ANK2: variants seen among roughly 807,000 people sequenced by gnomAD.
The protein encoded by ANK2 is ankyrin 2.
ANK2 carries 83 observed loss-of-function variants against 360.5 expected under a neutral mutation model. The ratio of observed to expected loss-of-function variants is 0.23; its 90% CI spans 0.19 to 0.28. The LOEUF (loss-of-function observed/expected upper bound fraction) is 0.28. Among genes scored for constraint, ANK2 ranks in the 10% least tolerant of loss-of-function variants. The probability of loss-of-function intolerance (pLI) is 1.00; values close to 1 mark genes in which losing one functional copy is unlikely to be tolerated. For synonymous variants in ANK2, 1,740 were observed against 1,759.5 expected (o/e 0.99, Z 0.28); for missense variants, 4,201 against 4,795.7 (o/e 0.88, Z 3.66).
chr4:112,708,903 G>A, the ANK2 span, among the ~76,000 whole-genome samples: 1 of 152,082 alleles, frequency 6.6e-6, no homozygotes, highest in Non-Finnish European at 1.5e-5. Context: ...AGCTATATAT[G>A]TTATTTTTTA....
At chr4:113,203,653 T>C (rs1238231555) in intron 4 of ANK2, among the ~76,000 whole-genome samples, 1 of 152,170 alleles carries the variant, frequency 6.6e-6, no homozygotes, top group African/African-American at 2.4e-5. Flanking sequence ...ATATTAATAA[T>C]AATACAGGTA....
At chr4:112,743,733 CGG>C in the ANK2 span, among the ~76,000 whole-genome samples, 3 of 151,586 alleles carry the variant, frequency 2.0e-5, no homozygotes, top group South Asian at 6.2e-4. Context: ...TTAGTAGAAA[CGG>C]GGTTTCACCA....
intron 2 of ANK2, among the ~76,000 whole-genome samples, chr4:113,190,712 A>T (rs917834468): frequency 1.3e-5 from 2 of 152,304 alleles, no homozygotes; most frequent in Non-Finnish European, 2.9e-5. Flanking sequence ...CAGAATCACC[A>T]GGTAGTTGAT....
chr4:112,839,518 T>C lies in ANK2; in HGVS notation c.-40+21254T>C, dbSNP rs549328342. Among the ~76,000 whole-genome samples, 253 of 152,308 alleles carry C rather than the reference T, an allele frequency of 1.7e-3. 1 individual carries two copies. The highest frequency in any genetic ancestry group is 3.5e-3 in the South Asian group (17 of 4,818). The stretch of plus-strand genomic sequence containing the variant: ...TTTAAAGAGTAGATGATACCAAATA[T>C]TTTGACAAATTCGAATGGTTTTCCT... On this transcript the variant is annotated intron_variant, in intron 1 of 30. Coordinates refer to the ANK2 transcript ENST00000503271.
Position 113,343,162 on chromosome 4 carries a change from T to G in ANK2, c.4248+20T>G. The G allele has an allele frequency of 6.2e-7, 1 of 1,611,672 alleles. No homozygotes were observed. ...GTCAAGGTAATATATACATGGAATT[T>G]TGTGATGCATTTTTTTCAAGATCAA... On this transcript the variant is annotated intron_variant, in intron 34 of 45. Transcript: ENST00000357077.
At chr4:112,774,515 A>G in the ANK2 span, among the ~76,000 whole-genome samples, 2 of 152,196 alleles carry the variant, frequency 1.3e-5, no homozygotes, top group African/African-American at 4.8e-5. Flanking sequence ...CGACAGAGCG[A>G]GACTCCGTCT....
intron 1 of ANK2, chr4:112,826,669 C>T: frequency 1.1e-6 from 1 of 934,804 alleles, no homozygotes; most frequent in Non-Finnish European, 1.7e-6. Context: ...ACACATTCCT[C>T]AGCATTGACC....
intron 1 of ANK2, chr4:112,904,449 T>C: frequency 1.4e-6 from 2 of 1,413,376 alleles, no homozygotes; most frequent in Non-Finnish European, 1.9e-6. Flanking sequence ...TTTTTTATCC[T>C]TTTAGGTAAG....
chr4:112,994,100 A>G (rs1375286383), intron 2 of ANK2, among the ~76,000 whole-genome samples: 1 of 152,196 alleles, frequency 6.6e-6, no homozygotes, highest in Non-Finnish European at 1.5e-5. Flanking sequence ...GCAGGTTTGG[A>G]TGCTGATGTT....
chr4:112,996,068 C>T lies in ANK2; in HGVS notation c.21+91554C>T, dbSNP rs139420946. Among the ~76,000 whole-genome samples the T allele has an allele frequency of 7.9e-5, 12 of 152,294 alleles. No individual in the cohort carries two copies. In the East Asian group the frequency reaches 1.5e-3, roughly 20 times the overall value. The stretch of plus-strand genomic sequence containing the variant: ...ATTTATAATAGCTCCAAATCGAAAA[C>T]AACCCAAATGTCTATCAACTGGTGA... On this transcript the variant is annotated intron_variant, in intron 2 of 30. Transcript: ENST00000503271.
At chr4:112,992,654 G>A (rs1045884045) in intron 2 of ANK2, among the ~76,000 whole-genome samples, 9 of 152,126 alleles carry the variant, frequency 5.9e-5, no homozygotes, top group Non-Finnish European at 1.2e-4. Context: ...GGCAAAGAGA[G>A]GGATGACAAA....
At chr4:113,272,622 CTT>C (rs1015718170) in intron 14 of ANK2, among the ~76,000 whole-genome samples, 4 of 149,456 alleles carry the variant, frequency 2.7e-5, no homozygotes, top group African/African-American at 9.8e-5. Context: ...TATTTTTTAA[CTT>C]TTTTTTTTAA....
At position 113,359,246 on chromosome 4, in the gene ANK2, T is replaced by C. The variant is rs1446119666; in HGVS notation, c.10628T>C (p.Ile3543Thr). 5 of 1,613,944 alleles carry C rather than the reference T, an allele frequency of 3.1e-6. No homozygotes were observed. In the South Asian group the frequency reaches 4.4e-5, roughly 14 times the overall value. ...ACAAGGCCCATTTGGGATGAGTCTA[T>C]TGAGACTCTGATTGAACGCATCCCT... ...FDTRPIWDES[I>T]ETLIERIPDE... Residue 3543 changes from isoleucine to threonine, a missense_variant, in exon 38 of 46, where the codon ATT becomes ACT. Around this residue, in one of 4 missense-constraint regions of ANK2, gnomAD observed 2,642 missense variants for 2,714.5 expected, o/e 0.97. Coordinates refer to ENST00000357077, the MANE Select transcript of ANK2 (RefSeq NM_001148.6).
rs774512699 is a variant in ANK2, at chr4:113,232,267, T to C, written c.483+8T>C. 17 of 1,548,834 alleles carry C rather than the reference T, an allele frequency of 1.1e-5. No homozygotes were observed. Among genetic ancestry groups the C allele is most frequent in the Non-Finnish European group, 1.5e-5 (17 of 1,121,152 alleles). The stretch of plus-strand genomic sequence containing the variant: ...CAGAGCACTGCTACAGAGGTAAGAC[T>C]GTCAGCCCTAAAGCCTTGAATTCTT... On this transcript the variant is annotated splice_region_variant and intron_variant, in intron 5 of 45. Coordinates refer to ENST00000357077, the MANE Select transcript of ANK2 (RefSeq NM_001148.6).
chr4:112,743,471 C>T, the ANK2 span, among the ~76,000 whole-genome samples: 1 of 151,224 alleles, frequency 6.6e-6, no homozygotes, highest in Non-Finnish European at 1.5e-5. Flanking sequence ...AAAGTAATCT[C>T]GGTCTTTCTC....
chr4:113,015,276 CCTAT>C (rs2056281628), intron 2 of ANK2, among the ~76,000 whole-genome samples: 1 of 152,138 alleles, frequency 6.6e-6, no homozygotes, highest in African/African-American at 2.4e-5. Context: ...TTCATTTTCT[CCTAT>C]CTGTGAGAAG....
chr4:113,233,607 A>G (rs2099347963), intron 5 of ANK2, among the ~76,000 whole-genome samples: 1 of 152,160 alleles, frequency 6.6e-6, no homozygotes, highest in Non-Finnish European at 1.5e-5. Context: ...ACTCCCTTCT[A>G]TGCTGCATTA....
intron 2 of ANK2, among the ~76,000 whole-genome samples, chr4:113,033,214 A>G (rs2060798470): frequency 6.6e-6 from 1 of 152,084 alleles, no homozygotes; most frequent in African/African-American, 2.4e-5. Context: ...ACATGAGGAC[A>G]GAATGGCTGA....
rs2084916443 is a variant in ANK2 at position 112,905,581 on chromosome 4, T to C, written c.21+1067T>C. ...TTTTCTATACTTCATGGCTATTCTT[T>C]TGAGTGCTAAAGGAGAAATAGACAA... On this transcript the variant is annotated intron_variant, in intron 2 of 30. Transcript: ENST00000503271. Among the ~76,000 whole-genome samples the C allele has an allele frequency of 1.3e-5, 2 of 152,226 alleles. 1 individual carries two copies. Among genetic ancestry groups the C allele is most frequent in the Non-Finnish European group, 2.9e-5 (2 of 68,030 alleles).
Sources: gnomAD v4.1 joint callset for allele counts (sites outside exome capture counted in the v4.1 genomes callset) on GRCh38, gnomAD v4.1.1 for gene constraint, gnomAD v4.1.1 regional missense constraint, MANE v1.5 for transcripts, NCBI Gene and HGNC (gene_info 2026-07-23, HGNC 2026-07-21) for gene names.